Variants in ZNF777 observed in about 807,000 individuals in gnomAD.
ZNF777 encodes the protein zinc finger protein 777.
Under a neutral mutation model 72.1 loss-of-function variants are expected in ZNF777, and 7 were observed. That is an observed-to-expected ratio of 0.10 (90% CI 0.06 to 0.18). The LOEUF is 0.18. Among genes scored for constraint, ZNF777 ranks in the 10% least tolerant of loss-of-function variants. The pLI is 1.00. For synonymous variants in ZNF777, 545 were observed against 483.5 expected, an observed-to-expected ratio of 1.13 and a Z score of -1.67; for missense variants, 828 against 1,128.6, an observed-to-expected ratio of 0.73 and a Z score of 3.82.
intron 5 of ZNF777, among the ~76,000 whole-genome samples, chr7:149,434,568 G>A (rs1189106739): frequency 6.6e-6 from 1 of 152,116 alleles, no homozygotes; most frequent in Admixed American, 6.5e-5. Context: ...CATCAAAGGT[G>A]CTTATTTCTT....
At position 149,460,754 on chromosome 7, in the gene ZNF777, T is replaced by C. The variant is rs2116616635; in HGVS notation, c.-16+61A>G. The stretch of plus-strand genomic sequence containing the variant: ...CACGCCCTGAGCCCGGGCCAGCCCG[T>C]CGTGGAGCCCGGGCCGAACCGCCGG... On this transcript the variant is annotated intron_variant, in intron 1 of 5. Transcript: ENST00000247930. This position sits in a 1 kb window ranked among gnomAD's most constrained non-coding sequence, Gnocchi z 6.1. 1 of 152,170 alleles carries C rather than the reference T, an allele frequency of 6.6e-6. No homozygotes were observed. The highest frequency in any genetic ancestry group is 3.4e-3 in the Middle Eastern group (1 of 292). 9.4% of individuals were successfully genotyped at this position (152,170 alleles called of 1,614,324 possible). A position where few individuals can be genotyped will look rare whatever the true frequency, so the allele number is the denominator to read the frequency against.
intron 4 of ZNF777, among the ~76,000 whole-genome samples, chr7:149,441,444 C>G (rs1198038828): frequency 6.6e-6 from 1 of 152,216 alleles, no homozygotes; most frequent in African/African-American, 2.4e-5. Context: ...CTATCTGTAA[C>G]CCTATGGCAC....
rs1799702476 is a variant in ZNF777, at chr7:149,451,004, C to T, written c.1082G>A (p.Ser361Asn). ...SEEGETPTDP[S>N]AAHDGIVIKI... ...GATCACCCTTAGCCACTCACCAGCA[C>T]TGGGATCTGTCGGCGTTTCGCCCTC... Residue 361 changes from serine to asparagine, a missense_variant, in exon 4 of 6, where the codon AGT becomes AAT. By Grantham distance (46) the Ser-to-Asn change is conservative (BLOSUM62 1). Around this residue, in one of 12 missense-constraint regions of ZNF777, gnomAD observed 73 missense variants for 90.6 expected, o/e 0.81. Transcript: ENST00000247930. 1 of 1,613,604 alleles carries T rather than the reference C, an allele frequency of 6.2e-7. No individual in the cohort carries two copies. The highest frequency in any genetic ancestry group is 1.3e-5 in the African/African-American group (1 of 75,054).
At chr7:149,446,994 CCAA>C (rs2116590329) in intron 4 of ZNF777, among the ~76,000 whole-genome samples, 1 of 152,262 alleles carries the variant, frequency 6.6e-6, no homozygotes, top group East Asian at 1.9e-4. Flanking sequence ...CTAGAAATAC[CCAA>C]CAAGGCAGTA....
intron 5 of ZNF777, 28 bp from the exon 6 acceptor site, chr7:149,432,960 G>A: frequency 2.1e-6 from 3 of 1,452,116 alleles, no homozygotes; most frequent in Non-Finnish European, 2.7e-6. Context: ...AGAGAAAGTC[G>A]TTAGCTGCTG....
chr7:149,437,461 C>A lies in ZNF777; in HGVS notation c.1088-635G>T, dbSNP rs1460339025. Among the ~76,000 whole-genome samples the A allele has an allele frequency of 2.0e-5, 3 of 152,282 alleles. No homozygotes were observed. The East Asian group carries it at 5.8e-4, about 29-fold the overall frequency. On this transcript the variant is annotated intron_variant, in intron 4 of 5. Coordinates refer to ENST00000247930, the MANE Select transcript of ZNF777 (RefSeq NM_015694.3). Reference sequence around the variant, plus strand: ...GGTGTCCAAAAAACACTCACATTCCCAAGCACGTATGCATGTACACCATGG... The same window carrying A: ...GGTGTCCAAAAAACACTCACATTCCAAAGCACGTATGCATGTACACCATGG...
At position 149,455,558 on chromosome 7, in the gene ZNF777, G is replaced by A. The variant is rs1382524238; in HGVS notation, c.465C>T (p.Leu155=). The change falls in exon 2 of 6, where the codon CTC becomes CTT. Residue 155 remains leucine, a synonymous_variant. Coordinates refer to ENST00000247930, the MANE Select transcript of ZNF777 (RefSeq NM_015694.3). The surrounding 1 kb of genome is among the most constrained non-coding windows in gnomAD (Gnocchi z 4.2). ...TVPETDMDPL[L]QSPVSQKDTP... is the part of the protein sequence containing the mutation. ...TGTCCTTTTGGGAAACCGGGCTCTG[G>A]AGCAGCGGGTCCATGTCAGTCTCGG... is the stretch of plus-strand genomic sequence containing the variant. 1.2e-6 allele frequency: 2 copies of A among 1,613,876 alleles called. No homozygotes were observed. Among genetic ancestry groups the A allele is most frequent in the African/African-American group, 2.7e-5 (2 of 74,980 alleles).
rs138821620 is a variant in ZNF777, at chr7:149,436,141, A to G, written c.1339+434T>C. 7.7e-4 allele frequency among the ~76,000 whole-genome samples: 118 copies of G among 152,314 alleles called. 1 individual carries two copies. In the East Asian group the frequency reaches 0.016, roughly 21 times the overall value. On this transcript the variant is annotated intron_variant, in intron 5 of 5. Transcript: ENST00000247930. The surrounding 1 kb of genome is among the most constrained non-coding windows in gnomAD (Gnocchi z 5.0). ...AATGAAGACTAGGTTCGACCACAGA[A>G]TGCCGGTGCTATTGTTATTTGAAAA...
At chr7:149,459,610 T>C (rs1439087274) in intron 1 of ZNF777, 6 of 982,490 alleles carry the variant, frequency 6.1e-6, no homozygotes, top group East Asian at 1.1e-4. Context: ...CCCGCAGCCC[T>C]CTGGGCAGGC....
At chr7:149,450,373 A>T (rs571139760) in intron 4 of ZNF777, among the ~76,000 whole-genome samples, 1 of 152,220 alleles carries the variant, frequency 6.6e-6, no homozygotes, top group Non-Finnish European at 1.5e-5. Context: ...CTACGGTTAG[A>T]TATTAGTGCC....
Position 149,460,218 on chromosome 7 carries a change from C to G in ZNF777, c.-16+597G>C. Reference sequence around the variant, plus strand: ...GCCGCCGCCGCTACTGCGCGCGGCCCCACGCAGGCCCGGCCGCCCGGCGCT... The same window carrying G: ...GCCGCCGCCGCTACTGCGCGCGGCCGCACGCAGGCCCGGCCGCCCGGCGCT... On this transcript the variant is annotated intron_variant, in intron 1 of 5. Transcript: ENST00000247930. This position sits in a 1 kb window ranked among gnomAD's most constrained non-coding sequence, Gnocchi z 6.1. 8.1e-6 allele frequency: 4 copies of G among 494,768 alleles called. No homozygotes were observed. The highest frequency in any genetic ancestry group is 1.0e-5 in the Non-Finnish European group (4 of 384,604). 30.6% of individuals were successfully genotyped at this position (494,768 alleles called of 1,614,324 possible).
chr7:149,441,481 C>A (rs899359307), intron 4 of ZNF777, among the ~76,000 whole-genome samples: 1 of 152,184 alleles, frequency 6.6e-6, no homozygotes, highest in Non-Finnish European at 1.5e-5. Context: ...GGAGGATGTT[C>A]GGTTATTCGT....
intron 4 of ZNF777, among the ~76,000 whole-genome samples, chr7:149,447,603 G>A (rs1395219353): frequency 6.6e-6 from 1 of 152,094 alleles, no homozygotes; most frequent in Non-Finnish European, 1.5e-5. Context: ...TCTCTCTCAG[G>A]GCGATGCCAA....
intron 5 of ZNF777, among the ~76,000 whole-genome samples, chr7:149,434,617 C>T (rs1447433306): frequency 6.6e-6 from 1 of 152,214 alleles, no homozygotes; most frequent in Non-Finnish European, 1.5e-5. Context: ...GAGTCTGGCT[C>T]TATCGCTCAG....
intron 4 of ZNF777, among the ~76,000 whole-genome samples, chr7:149,447,454 C>CA (rs1213373810): frequency 6.6e-6 from 1 of 152,132 alleles, no homozygotes; most frequent in African/African-American, 2.4e-5. Flanking sequence ...CTGAACCTTA[C>CA]ATTACCCTCC....
chr7:149,431,839 G>T lies in ZNF777; in HGVS notation c.2433C>A (p.Cys811Ter). 1 of 1,603,918 alleles carries T rather than the reference G, an allele frequency of 6.2e-7. No homozygotes were observed. The change falls in exon 6 of 6, where the codon TGC becomes TGA. Residue 811 changes from cysteine (C) to a stop codon, truncating the protein, a stop_gained. Coordinates refer to ENST00000247930, the MANE Select transcript of ZNF777 (RefSeq NM_015694.3). LOFTEE classifies it high-confidence loss of function. ...TGERPYPCTH[C>*]AKCFRYKQSL... ...ACTGCTTGTAGCGGAAGCACTTGGCGCAGTGCGTGCAGGGGTAGGGCCGCT... is the reference window on the plus strand; with the variant it reads ...ACTGCTTGTAGCGGAAGCACTTGGCTCAGTGCGTGCAGGGGTAGGGCCGCT...
intron 1 of ZNF777, among the ~76,000 whole-genome samples, chr7:149,459,322 G>A (rs374255843): frequency 3.5e-4 from 53 of 152,264 alleles, no homozygotes; most frequent in African/African-American, 1.2e-3. Flanking sequence ...TTTTAAGAGT[G>A]TCTTCCTGAA....
chr7:149,446,697 G>A (rs925998088), intron 4 of ZNF777, among the ~76,000 whole-genome samples: 7 of 151,856 alleles, frequency 4.6e-5, no homozygotes, highest in African/African-American at 1.7e-4. Context: ...CCCATCTTAG[G>A]CAAACAAGAA....
At chr7:149,437,805 CTT>C (rs898319193) in intron 4 of ZNF777, among the ~76,000 whole-genome samples, 16 of 108,174 alleles carry the variant, frequency 1.5e-4, no homozygotes, top group East Asian at 1.0e-3. Context: ...GTTTCTTTTT[CTT>C]TTTTTTTTTT....
Sources: gnomAD v4.1 joint callset for allele counts (sites outside exome capture counted in the v4.1 genomes callset) on GRCh38, gnomAD v4.1.1 for gene constraint, gnomAD v4.1.1 regional missense constraint, Gnocchi (gnomAD v3.1) non-coding constraint, MANE v1.5 for transcripts, NCBI Gene and HGNC (gene_info 2026-07-23, HGNC 2026-07-21) for gene names.